KLHL12: variants seen among roughly 807,000 people sequenced by gnomAD.
KLHL12 encodes the protein kelch like family member 12, also known as kelch-like protein 12.
KLHL12 carries 17 observed loss-of-function variants against 60.8 expected under a neutral mutation model. That is an observed-to-expected ratio of 0.28 (90% CI 0.19 to 0.42). The LOEUF (loss-of-function observed/expected upper bound fraction) is 0.42, where lower values mean the gene tolerates loss of function less well. Ranked by LOEUF, KLHL12 falls within the 10% of genes least tolerant of loss-of-function variation. KLHL12 has a pLI of 1.00. For missense variants in KLHL12, 468 were observed against 722.3 expected (o/e 0.65, Z 4.04); for synonymous variants, 220 against 250.9 (o/e 0.88, Z 1.16).
At chr1:202,907,930 C>A (rs781225987) in intron 6 of KLHL12, among the ~76,000 whole-genome samples, 1 of 151,826 alleles carries the variant, frequency 6.6e-6, no homozygotes, top group Non-Finnish European at 1.5e-5. Flanking sequence ...TAAAATATAG[C>A]GGATAAATCA....
intron 7 of KLHL12, among the ~76,000 whole-genome samples, chr1:202,896,645 C>T (rs1489377300): frequency 1.3e-5 from 2 of 152,244 alleles, no homozygotes; most frequent in African/African-American, 2.4e-5. Context: ...TTTACCTTGA[C>T]ACAGGGCCAC....
In KLHL12 at chr1:202,894,128, A is replaced by G; in HGVS notation, c.1393+56T>C. On this transcript the variant is annotated intron_variant, in intron 10 of 11. Coordinates refer to ENST00000367261, the MANE Select transcript of KLHL12 (RefSeq NM_021633.4). ...GGTTTGTCCCATGCACCACCATTAT[A>G]TATGTAAAGGTCTGACAGCATCGCC... 3 of 951,300 alleles carry G rather than the reference A, an allele frequency of 3.2e-6. No homozygotes were observed. The South Asian group carries it at 4.3e-5, about 14-fold the overall frequency. 58.9% of individuals were successfully genotyped at this position (951,300 alleles called of 1,614,324 possible). A position where few individuals can be genotyped will look rare whatever the true frequency, so the allele number is the denominator to read the frequency against.
rs1473582493 is a variant in KLHL12, at chr1:202,903,629, C to CTTTTCTTTTTTTTTT, written c.832+5380_832+5381insAAAAAAAAAAGAAAA. Among the ~76,000 whole-genome samples, 5 of 76,092 alleles carry CTTTTCTTTTTTTTTT rather than the reference C, an allele frequency of 6.6e-5. 1 individual carries two copies. The highest frequency in any genetic ancestry group is 6.2e-4 in the Admixed American group (3 of 4,830). The allele number at this position is 76,092 out of a possible 152,430, so 49.9% of individuals were successfully genotyped here. On this transcript the variant is annotated intron_variant, in intron 6 of 11. Transcript: ENST00000367261. ...CTGGGACCACTAATTTTTTTCTTTTCTTTTTTTTTTTGAAACGGCGTCTTG... is the reference window on the plus strand; with the variant it reads ...CTGGGACCACTAATTTTTTTCTTTTCTTTTCTTTTTTTTTTTTTTTTTTTTTGAAACGGCGTCTTG...
chr1:202,908,115 C>T (rs769395775), intron 6 of KLHL12, among the ~76,000 whole-genome samples: 3 of 152,096 alleles, frequency 2.0e-5, no homozygotes, highest in Non-Finnish European at 2.9e-5. Context: ...GGCTTTTGGA[C>T]AGTGAAGCAA....
intron 6 of KLHL12, among the ~76,000 whole-genome samples, chr1:202,908,094 C>G (rs901311900): frequency 6.6e-6 from 1 of 152,106 alleles, no homozygotes. Flanking sequence ...TTTTTATACA[C>G]TATACACCTA....
At position 202,912,448 on chromosome 1, in the gene KLHL12, G is replaced by C. The variant is rs1660392734; in HGVS notation, c.568-1245C>G. Reference sequence around the variant, plus strand: ...TTGGTCGTGGAGGTGGTTTCGGTTGGCATGACAGCCGTGGTGGTGGTGGTG... The same window carrying C: ...TTGGTCGTGGAGGTGGTTTCGGTTGCCATGACAGCCGTGGTGGTGGTGGTG... On this transcript the variant is annotated intron_variant, in intron 4 of 11. Transcript: ENST00000367261. 4 of 851,702 alleles carry C rather than the reference G, an allele frequency of 4.7e-6. No individual in the cohort carries two copies. In the African/African-American group the frequency reaches 6.6e-5, roughly 14 times the overall value. The allele number at this position is 851,702 out of a possible 1,614,324, so 52.8% of individuals were successfully genotyped here.
upstream of KLHL12, chr1:202,927,282 G>GC (rs1653631913): frequency 3.1e-6 from 3 of 973,564 alleles, no homozygotes; most frequent in South Asian, 1.5e-4. Context: ...CTGGAGCACC[G>GC]CCCTCCCCCC....
intron 4 of KLHL12, among the ~76,000 whole-genome samples, chr1:202,911,456 AT>A (rs1660355296): frequency 6.7e-6 from 1 of 149,240 alleles, no homozygotes; most frequent in Non-Finnish European, 1.5e-5. Flanking sequence ...ATATATATGT[AT>A]CTCTCTCTCT....
intron 1 of KLHL12, 48 bp from the exon 2 acceptor site, chr1:202,925,255 A>G: frequency 1.3e-6 from 2 of 1,555,894 alleles, no homozygotes; most frequent in Non-Finnish European, 1.7e-6. Context: ...GAACTAGGGC[A>G]ACTGAACATA....
chr1:202,914,113 G>A (rs12752406), intron 4 of KLHL12, among the ~76,000 whole-genome samples: 119,149 of 152,144 alleles, frequency 0.78, 47,825 homozygotes, highest in East Asian at 0.89. Context: ...CAAGGGCCAG[G>A]TACAGAGAGC....
Position 202,894,299 on chromosome 1 carries a change from A to G in KLHL12, c.1295-17T>C. On this transcript the variant is annotated splice_polypyrimidine_tract_variant and intron_variant, in intron 9 of 11. Transcript: ENST00000367261. The stretch of plus-strand genomic sequence containing the variant: ...CATATCCTCCTGGAAGACAGAGACC[A>G]TTCCAGAAAGAGTGGTAAATCCTCA... 6.7e-7 allele frequency: 1 copy of G among 1,501,926 alleles called. No individual in the cohort carries two copies. Among genetic ancestry groups the G allele is most frequent in the South Asian group, 1.2e-5 (1 of 83,120 alleles). The allele number at this position is 1,501,926 out of a possible 1,614,324, so 93.0% of individuals were successfully genotyped here.
Position 202,925,173 on chromosome 1 carries a change from G to A in KLHL12, c.-11C>T, listed in dbSNP as rs78311273. 2,521 of 1,613,690 alleles carry A rather than the reference G, an allele frequency of 1.6e-3. 60 individuals carry two copies. In the East Asian group the frequency reaches 0.049, roughly 31 times the overall value. On this transcript the variant is annotated 5_prime_UTR_variant, in exon 2 of 12. Coordinates refer to ENST00000367261, the MANE Select transcript of KLHL12 (RefSeq NM_021633.4). ...CATAATGCCTCCCATAAAGCAGTGC[G>A]GAGAAAGAACAAAATGGGTCCTTGG...
At chr1:202,906,513 G>T (rs1660196270) in intron 6 of KLHL12, among the ~76,000 whole-genome samples, 1 of 149,968 alleles carries the variant, frequency 6.7e-6, no homozygotes, top group Non-Finnish European at 1.5e-5. Flanking sequence ...AAAATTGGGA[G>T]TTTATTGTTT....
chr1:202,917,980 T>C (rs1463179295), intron 4 of KLHL12, among the ~76,000 whole-genome samples, 191 bp downstream of exon 4: 7 of 152,218 alleles, frequency 4.6e-5, no homozygotes, highest in African/African-American at 1.7e-4. Flanking sequence ...ATCATATATC[T>C]AATTGAAGAA....
rs766094982 is a variant in KLHL12 at position 202,896,837 on chromosome 1, G to C, written c.939+17C>G. The C allele has an allele frequency of 3.2e-6, 5 of 1,579,384 alleles. No homozygotes were observed. The African/African-American group carries it at 4.0e-5, about 13-fold the overall frequency. ...CATTTAACATCCCTCCCAACGAATGGTTTCACCATTATTTACTGGCAAAAA... is the reference window on the plus strand; with the variant it reads ...CATTTAACATCCCTCCCAACGAATGCTTTCACCATTATTTACTGGCAAAAA... On this transcript the variant is annotated intron_variant, in intron 7 of 11. Transcript: ENST00000367261.
At chr1:202,921,788 T>C (rs1660704011) in intron 2 of KLHL12, among the ~76,000 whole-genome samples, 1 of 152,208 alleles carries the variant, frequency 6.6e-6, no homozygotes, top group African/African-American at 2.4e-5. Flanking sequence ...TAGAAATTCA[T>C]TTTACTTAAA....
upstream of KLHL12, chr1:202,928,426 A>AG: frequency 1.8e-6 from 2 of 1,084,384 alleles, no homozygotes; most frequent in Non-Finnish European, 2.5e-6. Flanking sequence ...GGGCAGGCAG[A>AG]GAGAATTCCA....
At chr1:202,913,848 G>A (rs1191549385) in intron 4 of KLHL12, among the ~76,000 whole-genome samples, 2 of 152,168 alleles carry the variant, frequency 1.3e-5, no homozygotes, top group South Asian at 2.1e-4. Flanking sequence ...TACATTCACC[G>A]TAATTAAAAC....
At chr1:202,925,434 C>T (rs1420679366) in intron 1 of KLHL12, among the ~76,000 whole-genome samples, 3 of 150,530 alleles carry the variant, frequency 2.0e-5, no homozygotes, top group Non-Finnish European at 2.9e-5. Context: ...AGTGTCCCTA[C>T]CACTTGACAT....
Sources: allele counts gnomAD v4.1 joint callset (sites outside exome capture counted in the v4.1 genomes callset), GRCh38; gene constraint gnomAD v4.1.1; transcripts MANE v1.5; gene names NCBI Gene and HGNC (gene_info 2026-07-23, HGNC 2026-07-21).